The following FHIP1A variants were observed in gnomAD, a reference collection of about 807,000 sequenced individuals.
FHIP1A encodes the protein FHF complex subunit HOOK-interacting protein 1A.
FHIP1A carries 61 observed loss-of-function variants against 88.6 expected under a neutral mutation model. The observed-to-expected ratio is 0.69, with a 90% CI of 0.56 to 0.85. FHIP1A has a LOEUF of 0.85. Ranked by LOEUF, FHIP1A falls within the 40% of genes least tolerant of loss-of-function variation. The pLI, the probability that FHIP1A is intolerant of heterozygous loss-of-function variation, is 0.00. For synonymous variants in FHIP1A, 478 were observed against 496.0 expected, an observed-to-expected ratio of 0.96 and a Z score of 0.48; for missense variants, 1,154 against 1,273.5, an observed-to-expected ratio of 0.91 and a Z score of 1.43.
chr4:151,629,764 C>G lies in FHIP1A; in HGVS notation c.1041C>G (p.Ser347=). The part of the protein sequence containing the change: ...AYLDLFLRSI[S]EPALLEIFLR... ...TGGACCTTTTCCTGCGTAGCATCTC[C>G]GAGCCAGCACTACTTGAGATCTTCC... Residue 347 remains serine (S), a synonymous_variant, in exon 8 of 14, where the codon TCC becomes TCG. Coordinates refer to ENST00000435205, the MANE Select transcript of FHIP1A (RefSeq NM_001109977.3). The G allele has an allele frequency of 6.4e-7, 1 of 1,551,404 alleles. No individual in the cohort carries two copies. Among genetic ancestry groups the G allele is most frequent in the East Asian group, 2.4e-5 (1 of 40,910 alleles).
chr4:151,569,729 A>C (rs939895902), intron 4 of FHIP1A, among the ~76,000 whole-genome samples: 8 of 152,156 alleles, frequency 5.3e-5, no homozygotes, highest in Admixed American at 5.2e-4. Flanking sequence ...TTGATGGAGG[A>C]GATCTGCTTG....
chr4:151,457,305 C>G (rs901955801), intron 2 of FHIP1A, among the ~76,000 whole-genome samples: 1 of 152,178 alleles, frequency 6.6e-6, no homozygotes, highest in Non-Finnish European at 1.5e-5. Context: ...ATGTGTGAAG[C>G]TATTAGGTGA....
intron 2 of FHIP1A, among the ~76,000 whole-genome samples, chr4:151,464,800 A>G (rs558463659): frequency 1.3e-5 from 2 of 152,230 alleles, no homozygotes; most frequent in South Asian, 4.2e-4. Context: ...TCTGGATAGC[A>G]CTTAAGAGAT....
chr4:151,457,132 T>G (rs1455915357), intron 2 of FHIP1A, among the ~76,000 whole-genome samples: 1 of 152,152 alleles, frequency 6.6e-6, no homozygotes, highest in Non-Finnish European at 1.5e-5. Context: ...GTAGTGGGGC[T>G]TTTTTGGTAA....
intron 7 of FHIP1A, among the ~76,000 whole-genome samples, chr4:151,615,071 T>C (rs1343248339): frequency 6.6e-6 from 1 of 152,174 alleles, no homozygotes; most frequent in Non-Finnish European, 1.5e-5. Flanking sequence ...GGCAGAAGGA[T>C]GGCAGGGAGG....
chr4:151,479,768 T>G (rs1191787280), intron 2 of FHIP1A, among the ~76,000 whole-genome samples: 2 of 152,036 alleles, frequency 1.3e-5, no homozygotes, highest in Non-Finnish European at 2.9e-5. Context: ...GTTCATTTGG[T>G]GGTTTTGCTG....
At chr4:151,546,014 G>A (rs905855569) in intron 3 of FHIP1A, among the ~76,000 whole-genome samples, 22 of 152,248 alleles carry the variant, frequency 1.4e-4, no homozygotes, top group African/African-American at 4.1e-4. Context: ...GTGTCTGTGC[G>A]GTGTTCCCAG....
At chr4:151,422,306 A>G (rs565482614) in intron 1 of FHIP1A, among the ~76,000 whole-genome samples, 1 of 152,240 alleles carries the variant, frequency 6.6e-6, no homozygotes, top group African/African-American at 2.4e-5. Flanking sequence ...ATATCCCAAT[A>G]CATAGACCAG....
intron 3 of FHIP1A, among the ~76,000 whole-genome samples, chr4:151,504,063 A>G (rs915794407): frequency 7.9e-5 from 12 of 152,238 alleles, no homozygotes; most frequent in Non-Finnish European, 1.6e-4. Flanking sequence ...CTTCCTTACC[A>G]AATTAGCCTT....
At chr4:151,559,734 A>G (rs1373970010) in intron 3 of FHIP1A, among the ~76,000 whole-genome samples, 1 of 152,152 alleles carries the variant, frequency 6.6e-6, no homozygotes, top group Non-Finnish European at 1.5e-5. Context: ...GCAAGGTACT[A>G]GTGTAATTAG....
intron 13 of FHIP1A, among the ~76,000 whole-genome samples, chr4:151,659,793 A>T (rs1321473022): frequency 6.6e-6 from 1 of 152,150 alleles, no homozygotes; most frequent in Admixed American, 6.5e-5. Flanking sequence ...CCGATGAAAA[A>T]CGAGCCTCCT....
At chr4:151,615,507 A>G (rs1467299743) in intron 7 of FHIP1A, among the ~76,000 whole-genome samples, 2 of 152,194 alleles carry the variant, frequency 1.3e-5, no homozygotes, top group Non-Finnish European at 1.5e-5. Context: ...TGGAACTACT[A>G]TTAATAGTGG....
At chr4:151,561,279 G>T (rs1733161572) in intron 3 of FHIP1A, among the ~76,000 whole-genome samples, 1 of 152,196 alleles carries the variant, frequency 6.6e-6, no homozygotes, top group South Asian at 2.1e-4. Flanking sequence ...ACGTTTTACA[G>T]TGAATGAGCT....
intron 3 of FHIP1A, among the ~76,000 whole-genome samples, chr4:151,544,716 T>G (rs1732421531): frequency 6.6e-6 from 1 of 152,128 alleles, no homozygotes; most frequent in African/African-American, 2.4e-5. Flanking sequence ...TGCCATGGTA[T>G]TGAGAAAAGG....
intron 3 of FHIP1A, among the ~76,000 whole-genome samples, chr4:151,495,864 C>T (rs1730443422): frequency 6.6e-6 from 1 of 152,014 alleles, no homozygotes; most frequent in African/African-American, 2.4e-5. Context: ...CTCAGATGAT[C>T]CTCCCGCATT....
chr4:151,419,307 C>T (rs997393213), intron 1 of FHIP1A, among the ~76,000 whole-genome samples: 4 of 152,200 alleles, frequency 2.6e-5, no homozygotes, highest in African/African-American at 9.6e-5. Flanking sequence ...TCTTCTCCTG[C>T]CTTCAGATTC....
intron 6 of FHIP1A, among the ~76,000 whole-genome samples, chr4:151,587,909 AACT>A (rs1734279928): frequency 6.6e-6 from 1 of 152,098 alleles, no homozygotes; most frequent in Admixed American, 6.5e-5. Flanking sequence ...AAAAAGATGG[AACT>A]ACTATTAGTT....
chr4:151,554,665 A>G (rs559205863), intron 3 of FHIP1A, among the ~76,000 whole-genome samples: 26 of 152,292 alleles, frequency 1.7e-4, no homozygotes, highest in African/African-American at 5.3e-4. Flanking sequence ...ACACCCTTCA[A>G]TTTTAATGAC....
chr4:151,602,298 G>T (rs1734903760), intron 7 of FHIP1A, among the ~76,000 whole-genome samples: 1 of 152,142 alleles, frequency 6.6e-6, no homozygotes, highest in Non-Finnish European at 1.5e-5. Context: ...GACAGATTCT[G>T]CCATCTCATA....
Sources: allele counts gnomAD v4.1 joint callset (sites outside exome capture counted in the v4.1 genomes callset), GRCh38; gene constraint gnomAD v4.1.1; transcripts MANE v1.5; gene names NCBI Gene and HGNC (gene_info 2026-07-23, HGNC 2026-07-21).